Variants in CELF3 observed in about 807,000 individuals in gnomAD.
CELF3 encodes the protein CAG repeat domain.
In CELF3, 26 loss-of-function variants were observed where a neutral mutation model predicts 59.6. The observed-to-expected ratio is 0.44, with a 90% CI of 0.32 to 0.61. The LOEUF is 0.61. CELF3 is among the 20% of genes least tolerant of loss of function. The probability of loss-of-function intolerance (pLI) is 0.06; values close to 1 mark genes in which losing one functional copy is unlikely to be tolerated. For missense variants in CELF3, 387 were observed against 627.2 expected, an observed-to-expected ratio of 0.62 and a Z score of 4.09; for synonymous variants, 245 against 250.7, an observed-to-expected ratio of 0.98 and a Z score of 0.22.
chr1:151,707,311 G>C lies in CELF3; in HGVS notation c.773-17C>G. ...TGCTGGTTCCTGGGGAGGAGAAAGC[G>C]ACAGGGAGAGAGCAGAGGAGCAGAC... is the stretch of plus-strand genomic sequence containing the variant. On this transcript the variant is annotated splice_polypyrimidine_tract_variant and intron_variant, in intron 7 of 12. Transcript: ENST00000290583. 12 of 1,566,004 alleles carry C rather than the reference G, an allele frequency of 7.7e-6. No homozygotes were observed. The highest frequency in any genetic ancestry group is 1.0e-5 in the Non-Finnish European group (12 of 1,157,742).
chr1:151,708,912 C>T, intron 5 of CELF3, 86 bp downstream of exon 5: 1 of 1,231,646 alleles, frequency 8.1e-7, no homozygotes, highest in Non-Finnish European at 1.2e-6. Flanking sequence ...AATAGCCCAT[C>T]CTGAGTGGAC....
At position 151,701,557 on chromosome 1, in the gene CELF3, T is replaced by A. The variant is rs894736500; in HGVS notation, c.*1902A>T. On this transcript the variant is annotated 3_prime_UTR_variant, in exon 13 of 13. Coordinates refer to ENST00000290583, the MANE Select transcript of CELF3 (RefSeq NM_007185.7). ...TTCAACTCCTACAGCCATGCCTTAC[T>A]GGCTTTGTGACTCCAGGGAAGTTAG... Among the ~76,000 whole-genome samples, 3 of 152,212 alleles carry A rather than the reference T, an allele frequency of 2.0e-5. No individual in the cohort carries two copies. The highest frequency in any genetic ancestry group is 2.9e-5 in the Non-Finnish European group (2 of 68,042).
At chr1:151,707,406 T>C in intron 7 of CELF3, 101 bp downstream of exon 7, 1 of 1,548,550 alleles carries the variant, frequency 6.5e-7, no homozygotes. Flanking sequence ...CTCTGACCCC[T>C]GAGTCCCTCC....
rs768704382 is a variant in CELF3 at position 151,706,709 on chromosome 1, G to T, written c.948C>A (p.Asp316Glu). Residue 316 changes from aspartate to glutamate, a missense_variant, in exon 9 of 13, where the codon GAC (aspartate) becomes GAA (glutamate). Coordinates refer to ENST00000290583, the MANE Select transcript of CELF3 (RefSeq NM_007185.7). ...TCCCCGCGTAGGCCTGCTGCAGGGG[G>T]TCCACGGGGGCCGCGGGGCTCTGGG... ...YPAQSPAAPV[D>E]PLQQAYAGMQ... 151 of 1,550,798 alleles carry T rather than the reference G, an allele frequency of 9.7e-5. No individual in the cohort carries two copies. Among genetic ancestry groups the T allele is most frequent in the Non-Finnish European group, 1.3e-4 (144 of 1,146,736 alleles).
At chr1:151,704,525 A>C (rs115625502) in intron 12 of CELF3, among the ~76,000 whole-genome samples, 1 of 152,156 alleles carries the variant, frequency 6.6e-6, no homozygotes, top group Non-Finnish European at 1.5e-5. Flanking sequence ...CTGCTGCTAC[A>C]TGGGAAAAAT....
chr1:151,705,097 T>G lies in CELF3; in HGVS notation c.1342A>C (p.Met448Leu). 1 of 1,614,018 alleles carries G rather than the reference T, an allele frequency of 6.2e-7. No homozygotes were observed. The highest frequency in any genetic ancestry group is 8.5e-7 in the Non-Finnish European group (1 of 1,179,912). ...IQAMNGFQIGMKRLKVQLKRP... is the reference protein window; with the variant it reads ...IQAMNGFQIGLKRLKVQLKRP... ...TTTAGCTGGACTTTGAGGCGCTTCA[T>G]GCCGATCTGGAAGCCATTCATGGCC... Residue 448 changes from methionine (M) to leucine (L), a missense_variant, in exon 12 of 13, where the codon ATG becomes CTG. Met to Leu is a conservative substitution (Grantham distance 15). This residue lies in a region of CELF3 where 48 missense variants were observed against 118.8 expected (regional missense o/e 0.40). Coordinates refer to ENST00000290583, the MANE Select transcript of CELF3 (RefSeq NM_007185.7). This position sits in a 1 kb window ranked among gnomAD's most constrained non-coding sequence, Gnocchi z 5.1.
intron 9 of CELF3, 104 bp from the exon 10 acceptor site, chr1:151,706,465 A>G: frequency 1.6e-6 from 2 of 1,285,908 alleles, no homozygotes; most frequent in Non-Finnish European, 1.1e-6. Flanking sequence ...TGGCACCTGC[A>G]GGGCTGAGAG....
chr1:151,703,009 A>C lies in CELF3; in HGVS notation c.*450T>G. On this transcript the variant is annotated 3_prime_UTR_variant, in exon 13 of 13. Transcript: ENST00000290583. ...TGGAGGGGAGTGAGAGCCAGCTTCCAAGAAACCCCTAATGTGGGGAAGAGG... is the reference window on the plus strand; with the variant it reads ...TGGAGGGGAGTGAGAGCCAGCTTCCCAGAAACCCCTAATGTGGGGAAGAGG... 1 of 354,510 alleles carries C rather than the reference A, an allele frequency of 2.8e-6. No individual in the cohort carries two copies. The highest frequency in any genetic ancestry group is 5.6e-6 in the Non-Finnish European group (1 of 177,704). The allele number at this position is 354,510 out of a possible 1,614,324, so 22.0% of individuals were successfully genotyped here.
Position 151,706,810 on chromosome 1 carries a change from G to C in CELF3, c.923-76C>G. 8.3e-6 allele frequency: 10 copies of C among 1,203,140 alleles called. No individual in the cohort carries two copies. The South Asian group carries it at 1.2e-4, about 15-fold the overall frequency. The allele number at this position is 1,203,140 out of a possible 1,614,324, so 74.5% of individuals were successfully genotyped here. ...CCCTCAGTGCCTCTCTGGGCCTCTG[G>C]GCCGAGGCCAGGCAGGTGGGGAGCA... On this transcript the variant is annotated intron_variant, in intron 8 of 12. Coordinates refer to ENST00000290583, the MANE Select transcript of CELF3 (RefSeq NM_007185.7).
chr1:151,701,172 C>T lies in CELF3; in HGVS notation c.*2287G>A, dbSNP rs1185157526. The T allele has an allele frequency of 1.3e-5, 2 of 152,166 alleles. No individual in the cohort carries two copies. Among genetic ancestry groups the T allele is most frequent in the East Asian group, 3.9e-4 (2 of 5,190 alleles). 9.4% of individuals were successfully genotyped at this position (152,166 alleles called of 1,614,324 possible). ...ATCAGCTGAATACTTTAGAGGTAGACTTGGTAGGGCTTTGCAGTTGGATTG... is the reference window on the plus strand; with the variant it reads ...ATCAGCTGAATACTTTAGAGGTAGATTTGGTAGGGCTTTGCAGTTGGATTG... On this transcript the variant is annotated 3_prime_UTR_variant, in exon 13 of 13. Transcript: ENST00000290583.
chr1:151,702,919 G>A lies in CELF3; in HGVS notation c.*540C>T. The A allele has an allele frequency of 6.5e-6, 2 of 308,216 alleles. No homozygotes were observed. Among genetic ancestry groups the A allele is most frequent in the Non-Finnish European group, 1.3e-5 (2 of 153,232 alleles). The allele number at this position is 308,216 out of a possible 1,614,324, so 19.1% of individuals were successfully genotyped here. A position where few individuals can be genotyped will look rare whatever the true frequency, so the allele number is the denominator to read the frequency against. On this transcript the variant is annotated 3_prime_UTR_variant, in exon 13 of 13. Transcript: ENST00000290583. Reference sequence around the variant, plus strand: ...ACACCCTCCTTAGAGGGGGCCCTTGGGGGAGGCAGTGAGTTTTAGGGCTGG... The same window carrying A: ...ACACCCTCCTTAGAGGGGGCCCTTGAGGGAGGCAGTGAGTTTTAGGGCTGG...
Position 151,709,522 on chromosome 1 carries a change from A to G in CELF3, c.278-174T>C. On this transcript the variant is annotated intron_variant, in intron 3 of 12. Coordinates refer to ENST00000290583, the MANE Select transcript of CELF3 (RefSeq NM_007185.7). The surrounding 1 kb of genome is among the most constrained non-coding windows in gnomAD (Gnocchi z 4.9). ...TATAGTTGCAGAGGGTGCTCATCCCAGCTCTGAGGGACTCGCACTCCACCC... is the reference window on the plus strand; with the variant it reads ...TATAGTTGCAGAGGGTGCTCATCCCGGCTCTGAGGGACTCGCACTCCACCC... 1 of 1,014,486 alleles carries G rather than the reference A, an allele frequency of 9.9e-7. No individual in the cohort carries two copies. The highest frequency in any genetic ancestry group is 2.1e-5 in the Admixed American group (1 of 48,700). 62.8% of individuals were successfully genotyped at this position (1,014,486 alleles called of 1,614,324 possible). A position where few individuals can be genotyped will look rare whatever the true frequency, so the allele number is the denominator to read the frequency against.
chr1:151,708,123 G>A, intron 5 of CELF3, 188 bp from the exon 6 acceptor site: 1 of 580,014 alleles, frequency 1.7e-6, no homozygotes, highest in Non-Finnish European at 2.9e-6. Flanking sequence ...GGATGTGCAA[G>A]AGGCTAGAAG....
chr1:151,703,487 A>T, intron 12 of CELF3, 39 bp from the exon 13 acceptor site: 1 of 272,996 alleles, frequency 3.7e-6, no homozygotes, highest in African/African-American at 2.3e-5. Flanking sequence ...TGGGGAAGAG[A>T]CCCCCGATGC....
At chr1:151,706,078 G>C in intron 10 of CELF3, 113 bp from the exon 11 acceptor site, 1 of 1,589,644 alleles carries the variant, frequency 6.3e-7, no homozygotes, top group South Asian at 1.1e-5. Flanking sequence ...CCCAGTCCTT[G>C]ACAGTGTGGG....
Position 151,716,044 on chromosome 1 carries a change from C to T in CELF3, c.-24G>A, listed in dbSNP as rs1197466816. The T allele has an allele frequency of 8.8e-6, 14 of 1,597,524 alleles. No individual in the cohort carries two copies. The highest frequency in any genetic ancestry group is 5.7e-5 in the South Asian group (5 of 87,886). On this transcript the variant is annotated 5_prime_UTR_variant, in exon 1 of 13. Coordinates refer to ENST00000290583, the MANE Select transcript of CELF3 (RefSeq NM_007185.7). ...ATTGAGGCGGCCCAGGAGGAGGGGC[C>T]GAGGGGAGCAGGGAGAGGCCCAAAG...
intron 2 of CELF3, chr1:151,710,029 C>T (rs1031919839): frequency 5.7e-5 from 31 of 545,682 alleles, no homozygotes; most frequent in Non-Finnish European, 9.3e-5. Context: ...TCAGGTTGGG[C>T]TCCTGATGAC....
Position 151,707,831 on chromosome 1 carries a change from G to A in CELF3, c.591C>T (p.Ile197=), listed in dbSNP as rs376071987. The change falls in exon 6 of 13, where the codon ATC becomes ATT. Residue 197 remains isoleucine (I), a synonymous_variant. Coordinates refer to ENST00000290583, the MANE Select transcript of CELF3 (RefSeq NM_007185.7). The stretch of plus-strand genomic sequence containing the variant: ...CGCTGTAGGCTCCAAACTGGAGGGC[G>A]ATGGGGCTGAACATGCCCAACTGGG... The part of the protein sequence containing the change: ...VATQLGMFSP[I]ALQFGAYSAY... 112 of 1,613,748 alleles carry A rather than the reference G, an allele frequency of 6.9e-5. No individual in the cohort carries two copies. Among genetic ancestry groups the A allele is most frequent in the Non-Finnish European group, 9.0e-5 (106 of 1,179,828 alleles).
chr1:151,716,661 T>TCCC lies in CELF3; in HGVS notation c.-644_-642dup. The TCCC allele has an allele frequency of 8.5e-6, 2 of 236,374 alleles. No homozygotes were observed. The highest frequency in any genetic ancestry group is 3.6e-5 in the South Asian group (1 of 28,150). The allele number at this position is 236,374 out of a possible 1,614,324, so 14.6% of individuals were successfully genotyped here. A position where few individuals can be genotyped will look rare whatever the true frequency, so the allele number is the denominator to read the frequency against. ...TGCCCTGCCGCCCCCCTTCAGGTCC[T>TCCC]CCCCTCAGCCCCCCTCCCACCCCCA... On this transcript the variant is annotated 5_prime_UTR_variant, in exon 1 of 13. Transcript: ENST00000290583.
Sources: allele counts gnomAD v4.1 joint callset (sites outside exome capture counted in the v4.1 genomes callset), GRCh38; gene constraint gnomAD v4.1.1; regional missense constraint gnomAD v4.1.1; non-coding constraint Gnocchi (gnomAD v3.1); transcripts MANE v1.5; gene names NCBI Gene and HGNC (gene_info 2026-07-23, HGNC 2026-07-21).